GALNTL6: variants seen among roughly 807,000 people sequenced by gnomAD.
The protein encoded by GALNTL6 is polypeptide N-acetylgalactosaminyltransferase-like 6.
GALNTL6 carries 46 observed loss-of-function variants against 73.7 expected under a neutral mutation model. The ratio of observed to expected loss-of-function variants is 0.62; its 90% CI spans 0.49 to 0.80. GALNTL6 has a LOEUF of 0.80. GALNTL6 is among the 30% of genes least tolerant of loss of function. The probability of loss-of-function intolerance (pLI) is 0.00; values close to 1 mark genes in which losing one functional copy is unlikely to be tolerated. For synonymous variants in GALNTL6, 259 were observed against 263.7 expected (o/e 0.98, Z 0.17); for missense variants, 604 against 755.0 (o/e 0.80, Z 2.34).
intron 5 of GALNTL6, among the ~76,000 whole-genome samples, chr4:172,350,548 C>T (rs58188334): frequency 0.13 from 19,859 of 151,936 alleles, 1,306 homozygotes; most frequent in East Asian, 0.18. Flanking sequence ...TTTTGAATTT[C>T]CTAATGGACA....
chr4:172,028,625 T>C (rs533252752), intron 2 of GALNTL6, among the ~76,000 whole-genome samples: 112 of 152,196 alleles, frequency 7.4e-4, no homozygotes, highest in African/African-American at 2.6e-3. Context: ...ATCTGTGTTC[T>C]TTTTTAACGG....
At chr4:172,468,042 A>G (rs937675322) in intron 5 of GALNTL6, among the ~76,000 whole-genome samples, 2 of 151,038 alleles carry the variant, frequency 1.3e-5, no homozygotes, top group Admixed American at 6.6e-5. Flanking sequence ...ATAGGCATAC[A>G]CCACCACACC....
rs184867772 is a variant in GALNTL6 at position 172,166,522 on chromosome 4, C to T, written c.139-63134C>T. Among the ~76,000 whole-genome samples, 22 of 152,092 alleles carry T rather than the reference C, an allele frequency of 1.4e-4. No homozygotes were observed. In the East Asian group the frequency reaches 4.2e-3, roughly 29 times the overall value. ...AATAATATTCTCCTAGCAATTAAAG[C>T]TTGGTAAACAAACACATAAGAAGAA... On this transcript the variant is annotated intron_variant, in intron 2 of 12. Coordinates refer to ENST00000506823, the MANE Select transcript of GALNTL6 (RefSeq NM_001034845.3).
At chr4:171,978,012 A>C (rs892280056) in intron 2 of GALNTL6, among the ~76,000 whole-genome samples, 1 of 152,076 alleles carries the variant, frequency 6.6e-6, no homozygotes, top group Non-Finnish European at 1.5e-5. Context: ...TTTTTCTTGT[A>C]TTCTTTAGAG....
At chr4:172,200,454 C>T (rs1735916710) in intron 2 of GALNTL6, among the ~76,000 whole-genome samples, 1 of 152,082 alleles carries the variant, frequency 6.6e-6, no homozygotes, top group Admixed American at 6.5e-5. Flanking sequence ...TCCATGAATA[C>T]AAACGTCAGC....
intron 2 of GALNTL6, among the ~76,000 whole-genome samples, chr4:171,832,898 C>G (rs1216773808): frequency 2.0e-5 from 3 of 151,754 alleles, no homozygotes; most frequent in Non-Finnish European, 4.4e-5. Context: ...CAAGTCCTTC[C>G]ATCATTAGAG....
chr4:172,561,894 G>T (rs1412651180), intron 5 of GALNTL6, among the ~76,000 whole-genome samples: 1 of 152,088 alleles, frequency 6.6e-6, no homozygotes, highest in Non-Finnish European at 1.5e-5. Flanking sequence ...GTCTGAAATT[G>T]TCTCAAGTGC....
chr4:171,993,052 T>A (rs577357823), intron 2 of GALNTL6, among the ~76,000 whole-genome samples: 1 of 151,510 alleles, frequency 6.6e-6, no homozygotes, highest in East Asian at 1.9e-4. Flanking sequence ...CCCCTTGAGA[T>A]GGTAATAATC....
chr4:172,855,969 T>G (rs141603346), intron 7 of GALNTL6, among the ~76,000 whole-genome samples: 151 of 152,274 alleles, frequency 9.9e-4, no homozygotes, highest in African/African-American at 3.5e-3. Flanking sequence ...CAGGCTGCAT[T>G]TTCCTCCCGG....
chr4:172,783,587 T>C (rs961457765), intron 5 of GALNTL6, among the ~76,000 whole-genome samples: 2 of 151,198 alleles, frequency 1.3e-5, no homozygotes, highest in Non-Finnish European at 3.0e-5. Context: ...CCCACAAACT[T>C]AGTGGCTTAA....
chr4:171,966,394 G>A (rs527630810), intron 2 of GALNTL6, among the ~76,000 whole-genome samples: 46 of 152,268 alleles, frequency 3.0e-4, no homozygotes, highest in African/African-American at 1.0e-3. Flanking sequence ...GATGGACATA[G>A]CCGCAGACAG....
intron 9 of GALNTL6, among the ~76,000 whole-genome samples, chr4:172,946,120 A>T (rs1749152815): frequency 9.6e-6 from 1 of 104,312 alleles, no homozygotes; most frequent in African/African-American, 4.0e-5. Flanking sequence ...TTTTGGGGAA[A>T]AAGCGTGTGT....
At chr4:172,774,612 G>A (rs2110875666) in intron 5 of GALNTL6, among the ~76,000 whole-genome samples, 1 of 152,234 alleles carries the variant, frequency 6.6e-6, no homozygotes, top group East Asian at 1.9e-4. Context: ...AGTTGGGCTG[G>A]GGATTTTATC....
chr4:172,258,529 G>T (rs1738157905), intron 3 of GALNTL6, among the ~76,000 whole-genome samples: 1 of 151,182 alleles, frequency 6.6e-6, no homozygotes. Context: ...TTTTCCTTCT[G>T]AAATTCCAGT....
chr4:172,287,031 A>G (rs765870015), intron 3 of GALNTL6, among the ~76,000 whole-genome samples: 4 of 152,202 alleles, frequency 2.6e-5, no homozygotes, highest in Non-Finnish European at 5.9e-5. Flanking sequence ...TTAAAACACC[A>G]GAATCATCGT....
chr4:173,024,193 A>G (rs1051564016), intron 12 of GALNTL6, among the ~76,000 whole-genome samples: 55 of 152,326 alleles, frequency 3.6e-4, no homozygotes, highest in African/African-American at 1.1e-3. Context: ...ATGAGCTTTA[A>G]TATTAAACCT....
intron 2 of GALNTL6, among the ~76,000 whole-genome samples, chr4:172,029,947 G>A (rs542466460): frequency 6.6e-6 from 1 of 152,048 alleles, no homozygotes; most frequent in Non-Finnish European, 1.5e-5. Context: ...GAAAAAGTGA[G>A]TGCTAATAAC....
intron 4 of GALNTL6, among the ~76,000 whole-genome samples, chr4:172,330,360 C>G (rs201657813): frequency 6.6e-6 from 1 of 152,128 alleles, no homozygotes; most frequent in African/African-American, 2.4e-5. Context: ...TGTGGGTCCC[C>G]GGAGCTGCTA....
At chr4:173,016,592 C>G (rs984202177) in intron 11 of GALNTL6, among the ~76,000 whole-genome samples, 16 of 152,176 alleles carry the variant, frequency 1.1e-4, no homozygotes, top group African/African-American at 3.9e-4. Context: ...CCAATTTCTC[C>G]CATATGGAAT....
Sources: allele counts gnomAD v4.1 joint callset (sites outside exome capture counted in the v4.1 genomes callset), GRCh38; gene constraint gnomAD v4.1.1; transcripts MANE v1.5; gene names NCBI Gene and HGNC (gene_info 2026-07-23, HGNC 2026-07-21).